SLC8A1: variants seen among roughly 807,000 people sequenced by gnomAD.
SLC8A1 encodes the protein sodium/calcium exchanger 1.
In SLC8A1, 18 loss-of-function variants were observed where a neutral mutation model predicts 68.3. The ratio of observed to expected loss-of-function variants is 0.26; its 90% CI spans 0.18 to 0.39. The LOEUF is 0.39. Ranked by LOEUF, SLC8A1 falls within the 10% of genes least tolerant of loss-of-function variation. The pLI is 1.00. For synonymous variants in SLC8A1, 475 were observed against 415.5 expected (o/e 1.14, Z -1.74); for missense variants, 985 against 1,156.7 (o/e 0.85, Z 2.15).
At chr2:40,400,199 C>T (rs748284154) in intron 2 of SLC8A1, among the ~76,000 whole-genome samples, 9 of 152,118 alleles carry the variant, frequency 5.9e-5, no homozygotes, top group East Asian at 1.9e-4. Flanking sequence ...TGCCCCCGGC[C>T]GAATAAACCC....
chr2:40,165,002 CAG>C lies in SLC8A1; in HGVS notation c.1931-20_1931-19del. 1 of 1,613,322 alleles carries C rather than the reference CAG, an allele frequency of 6.2e-7. No homozygotes were observed. Among genetic ancestry groups the C allele is most frequent in the Non-Finnish European group, 8.5e-7 (1 of 1,179,728 alleles). ...ATATTCGTCTGTGAAACGGAAGTAT[CAG>C]AGAGTGAGCACTGTGTTCTGTTTAA... On this transcript the variant is annotated intron_variant, in intron 4 of 7. Transcript: ENST00000406785.
chr2:40,257,601 C>A (rs1196294635), intron 2 of SLC8A1, among the ~76,000 whole-genome samples: 1 of 152,106 alleles, frequency 6.6e-6, no homozygotes, highest in Non-Finnish European at 1.5e-5. Context: ...ATCAACACTC[C>A]CCCTGTGACA....
chr2:40,440,306 C>G (rs1228386414), intron 1 of SLC8A1, among the ~76,000 whole-genome samples: 1 of 152,040 alleles, frequency 6.6e-6, no homozygotes, highest in Non-Finnish European at 1.5e-5. Context: ...ATTTATCTAT[C>G]ACAAAGGTGG....
At chr2:40,207,530 T>A (rs2055692906) in intron 2 of SLC8A1, among the ~76,000 whole-genome samples, 2 of 152,114 alleles carry the variant, frequency 1.3e-5, no homozygotes, top group Non-Finnish European at 2.9e-5. Flanking sequence ...AATAAAATAT[T>A]TTTTTAACCT....
upstream of SLC8A1, among the ~76,000 whole-genome samples, chr2:40,454,727 T>C (rs543811152): frequency 6.6e-6 from 1 of 152,354 alleles, no homozygotes; most frequent in Admixed American, 6.5e-5. Context: ...TCATTTCTCT[T>C]TAAAGGCATT....
chr2:40,106,463 G>T (rs1360668837), exon 8 of SLC8A1: 2 of 151,436 alleles, frequency 1.3e-5, no homozygotes, highest in Non-Finnish European at 2.9e-5. Flanking sequence ...TGATAAGAAA[G>T]GTTCTCATAA....
At chr2:40,447,569 C>G (rs1432050970) in intron 1 of SLC8A1, among the ~76,000 whole-genome samples, 1 of 140,746 alleles carries the variant, frequency 7.1e-6, no homozygotes, top group African/African-American at 2.7e-5. Flanking sequence ...GCCAGTTGAC[C>G]TGATAAACCA....
chr2:40,306,801 T>G (rs1004773483), intron 2 of SLC8A1, among the ~76,000 whole-genome samples: 5 of 152,162 alleles, frequency 3.3e-5, no homozygotes, highest in African/African-American at 1.2e-4. Flanking sequence ...AAGTAACATT[T>G]GTGCTCCAAT....
chr2:40,289,822 C>T (rs907268097), intron 2 of SLC8A1, among the ~76,000 whole-genome samples: 2 of 151,834 alleles, frequency 1.3e-5, no homozygotes, highest in African/African-American at 2.4e-5. Context: ...GATCGTGCCA[C>T]TGCATTCCAG....
intron 2 of SLC8A1, among the ~76,000 whole-genome samples, chr2:40,264,082 A>G (rs1487883062): frequency 6.6e-6 from 1 of 152,270 alleles, no homozygotes; most frequent in Non-Finnish European, 1.5e-5. Context: ...TTATGCAGCC[A>G]GAAGACACAT....
chr2:40,388,036 T>C (rs1279190482), intron 2 of SLC8A1, among the ~76,000 whole-genome samples: 3 of 151,806 alleles, frequency 2.0e-5, no homozygotes, highest in Non-Finnish European at 2.9e-5. Context: ...GTATCTCAAA[T>C]TGGCATCTCT....
intron 2 of SLC8A1, among the ~76,000 whole-genome samples, chr2:40,325,123 AACT>A (rs2075661211): frequency 1.3e-5 from 2 of 152,162 alleles, no homozygotes; most frequent in East Asian, 1.9e-4. Flanking sequence ...GAAAAAAAAA[AACT>A]ACAATTAATT....
chr2:40,343,434 A>G (rs999743007), intron 2 of SLC8A1, among the ~76,000 whole-genome samples: 3 of 152,164 alleles, frequency 2.0e-5, no homozygotes, highest in Non-Finnish European at 4.4e-5. Context: ...CTAACATCCT[A>G]TTATCACTTG....
chr2:40,328,630 T>A, intron 2 of SLC8A1, among the ~76,000 whole-genome samples: 1 of 152,192 alleles, frequency 6.6e-6, no homozygotes, highest in Non-Finnish European at 1.5e-5. Context: ...AAACTAGATA[T>A]CCCAAACTGA....
At chr2:40,387,443 A>G (rs1553559214) in intron 2 of SLC8A1, among the ~76,000 whole-genome samples, 1 of 151,216 alleles carries the variant, frequency 6.6e-6, no homozygotes, top group African/African-American at 2.5e-5. Context: ...TTTTTTTTCC[A>G]TAATTTTTGC....
intron 2 of SLC8A1, among the ~76,000 whole-genome samples, chr2:40,359,755 T>C (rs1673970655): frequency 6.6e-6 from 1 of 152,056 alleles, no homozygotes; most frequent in African/African-American, 2.4e-5. Flanking sequence ...ACAATTTAAG[T>C]CCTATAATAG....
At chr2:40,327,571 C>T (rs987597170) in intron 2 of SLC8A1, among the ~76,000 whole-genome samples, 1 of 147,326 alleles carries the variant, frequency 6.8e-6, no homozygotes, top group African/African-American at 2.4e-5. Flanking sequence ...CCGTGGAATA[C>T]TATGCAACCA....
chr2:40,162,642 A>G (rs1379982164), intron 5 of SLC8A1, among the ~76,000 whole-genome samples: 1 of 152,186 alleles, frequency 6.6e-6, no homozygotes, highest in Non-Finnish European at 1.5e-5. Flanking sequence ...TTTCATATGT[A>G]TCCTTCCTTG....
chr2:40,403,500 G>A (rs1689381780), intron 2 of SLC8A1, among the ~76,000 whole-genome samples: 2 of 152,192 alleles, frequency 1.3e-5, no homozygotes, highest in African/African-American at 4.8e-5. Flanking sequence ...CACAATGGGA[G>A]AGCTTAGGTA....
Sources: allele counts gnomAD v4.1 joint callset (sites outside exome capture counted in the v4.1 genomes callset), GRCh38; gene constraint gnomAD v4.1.1; transcripts MANE v1.5; gene names NCBI Gene and HGNC (gene_info 2026-07-23, HGNC 2026-07-21).